Variants in CRISPLD1 observed in about 807,000 individuals in gnomAD.
CRISPLD1 encodes cysteine rich secretory protein LCCL domain containing 1, also known as cysteine-rich secretory protein LCCL domain-containing 1.
Under a neutral mutation model 77.5 loss-of-function variants are expected in CRISPLD1, and 60 were observed. The ratio of observed to expected loss-of-function variants is 0.77; its 90% CI spans 0.63 to 0.96. CRISPLD1 has a LOEUF of 0.96. Among genes scored for constraint, CRISPLD1 ranks in the 40% least tolerant of loss-of-function variants. The pLI is 0.00. For missense variants in CRISPLD1, 623 were observed against 615.8 expected, an observed-to-expected ratio of 1.01 and a Z score of -0.12; for synonymous variants, 195 against 200.1, an observed-to-expected ratio of 0.97 and a Z score of 0.22.
intron 2 of CRISPLD1, among the ~76,000 whole-genome samples, chr8:74,986,459 A>G (rs1004972301): frequency 2.6e-5 from 4 of 152,220 alleles, no homozygotes; most frequent in African/African-American, 4.8e-5. Context: ...TTTAGATGCA[A>G]TGTTCCTACT....
intron 13 of CRISPLD1, among the ~76,000 whole-genome samples, chr8:75,028,422 G>A (rs1813274104): frequency 6.6e-6 from 1 of 152,098 alleles, no homozygotes; most frequent in Non-Finnish European, 1.5e-5. Context: ...ACACCACTGG[G>A]ATCAGAAAAG....
At chr8:74,998,266 G>A (rs1264888836) in intron 2 of CRISPLD1, among the ~76,000 whole-genome samples, 34 of 152,024 alleles carry the variant, frequency 2.2e-4, no homozygotes, top group Non-Finnish European at 1.5e-5. Context: ...AAAGAAGGGG[G>A]TTTGAGGATA....
At chr8:75,013,954 G>A (rs553827690) in intron 4 of CRISPLD1, 33 bp from the exon 5 acceptor site, 2 of 1,433,942 alleles carry the variant, frequency 1.4e-6, no homozygotes, top group Admixed American at 1.7e-5. Context: ...ATTTCAGCCT[G>A]CTTTTTCTGA....
intron 13 of CRISPLD1, 71 bp downstream of exon 13, chr8:75,025,692 G>A (rs1813221652): frequency 1.3e-6 from 1 of 787,874 alleles, no homozygotes; most frequent in Non-Finnish European, 2.1e-6. Context: ...ATTTAAATGT[G>A]TATATGTACA....
Position 75,016,596 on chromosome 8 carries a change from A to G in CRISPLD1, c.759A>G (p.Glu253=). The change falls in exon 7 of 15, where the codon GAA becomes GAG. Residue 253 remains glutamate (E), a synonymous_variant. Coordinates refer to ENST00000262207, the MANE Select transcript of CRISPLD1 (RefSeq NM_031461.6). ...CAGACAGGTATTATCCCCCTCGAGA[A>G]GAGGAAACAAATGAAATAGAACGAC... is the stretch of plus-strand genomic sequence containing the variant. ...EGSDRYYPPR[E]EETNEIERQQ... is the part of the protein sequence containing the mutation. The G allele has an allele frequency of 6.2e-7, 1 of 1,613,398 alleles. No homozygotes were observed. Among genetic ancestry groups the G allele is most frequent in the Non-Finnish European group, 8.5e-7 (1 of 1,179,468 alleles).
At position 75,032,334 on chromosome 8, in the gene CRISPLD1, A is replaced by C. The variant is rs1189796705; in HGVS notation, c.*92A>C. 1.1e-6 allele frequency: 1 copy of C among 902,088 alleles called. No individual in the cohort carries two copies. The highest frequency in any genetic ancestry group is 1.7e-5 in the African/African-American group (1 of 58,470). 55.9% of individuals were successfully genotyped at this position (902,088 alleles called of 1,614,324 possible). A position where few individuals can be genotyped will look rare whatever the true frequency, so the allele number is the denominator to read the frequency against. ...ACTGTAACATTACTGTACAGAGTAC[A>C]TCAACTATTTTCAGCCCAAAAAGGT... On this transcript the variant is annotated 3_prime_UTR_variant, in exon 15 of 15. Transcript: ENST00000262207.
intron 2 of CRISPLD1, 70 bp from the exon 3 acceptor site, chr8:75,012,363 C>T (rs1812946725): frequency 1.1e-6 from 1 of 886,850 alleles, no homozygotes; most frequent in Non-Finnish European, 1.9e-6. Context: ...GTAAGAACTG[C>T]TCAACACTGT....
In CRISPLD1 at chr8:74,986,194, T is replaced by C; in HGVS notation, c.207T>C (p.His69=). ...DNDMQSILDL[H]NKLRSQVYPT... ...ACATGCAGAGTATTTTGGACCTTCA[T>C]AATAAATTACGAAGTCAGGTGTATC... Residue 69 remains histidine, a synonymous_variant, in exon 2 of 15, where the codon CAT becomes CAC. Coordinates refer to ENST00000262207, the MANE Select transcript of CRISPLD1 (RefSeq NM_031461.6). 6.2e-7 allele frequency: 1 copy of C among 1,614,166 alleles called. No homozygotes were observed. The highest frequency in any genetic ancestry group is 8.5e-7 in the Non-Finnish European group (1 of 1,180,004).
At chr8:74,987,449 T>C (rs1247679870) in intron 2 of CRISPLD1, among the ~76,000 whole-genome samples, 1 of 152,208 alleles carries the variant, frequency 6.6e-6, no homozygotes, top group African/African-American at 2.4e-5. Context: ...ATTGTGAAGA[T>C]AGAAGGAGAT....
At chr8:74,997,535 A>T (rs1437782355) in intron 2 of CRISPLD1, among the ~76,000 whole-genome samples, 1 of 152,188 alleles carries the variant, frequency 6.6e-6, no homozygotes, top group Non-Finnish European at 1.5e-5. Context: ...ACAGGTAAAA[A>T]ATATGGAAAT....
Position 75,034,071 on chromosome 8 carries a change from G to A in CRISPLD1, c.*1829G>A, listed in dbSNP as rs1813403600. 1 of 151,992 alleles carries A rather than the reference G, an allele frequency of 6.6e-6. No individual in the cohort carries two copies. The highest frequency in any genetic ancestry group is 2.1e-4 in the South Asian group (1 of 4,828). 9.4% of individuals were successfully genotyped at this position (151,992 alleles called of 1,614,324 possible). A position where few individuals can be genotyped will look rare whatever the true frequency, so the allele number is the denominator to read the frequency against. On this transcript the variant is annotated 3_prime_UTR_variant, in exon 15 of 15. Transcript: ENST00000262207. The stretch of plus-strand genomic sequence containing the variant: ...TACTATTGTAATACCTTCAGCTGGA[G>A]CCTGTGTCTTTCTCCATTCCTTTTT...
In CRISPLD1 at chr8:75,008,144, C is replaced by T. The variant is rs573433570; in HGVS notation, c.259-4289C>T. Among the ~76,000 whole-genome samples, 133 of 152,182 alleles carry T rather than the reference C, an allele frequency of 8.7e-4. 1 individual carries two copies. The highest frequency in any genetic ancestry group is 2.2e-4 in the Non-Finnish European group (15 of 67,998). The stretch of plus-strand genomic sequence containing the variant: ...TTAAGTAATAAAACTTCATTGAAGG[C>T]GTAACTATGCTCTAAGAAGGAACAA... On this transcript the variant is annotated intron_variant, in intron 2 of 14. Transcript: ENST00000262207.
intron 14 of CRISPLD1, among the ~76,000 whole-genome samples, chr8:75,030,009 T>C (rs1481497862): frequency 1.3e-5 from 2 of 152,158 alleles, no homozygotes; most frequent in African/African-American, 2.4e-5. Context: ...TTTTTCATAT[T>C]ATTTAACCCA....
At position 75,002,993 on chromosome 8, in the gene CRISPLD1, C is replaced by A. The variant is rs570924979; in HGVS notation, c.259-9440C>A. ...CTATAGTCATATTCCTGAGGAATGT[C>A]TAAAAATCTGATTGAGAATGCTGTG... On this transcript the variant is annotated intron_variant, in intron 2 of 14. Transcript: ENST00000262207. Among the ~76,000 whole-genome samples the A allele has an allele frequency of 5.3e-5, 8 of 152,248 alleles. No individual in the cohort carries two copies. The East Asian group carries it at 1.5e-3, about 29-fold the overall frequency.
intron 10 of CRISPLD1, among the ~76,000 whole-genome samples, chr8:75,018,776 G>A (rs549759110): frequency 2.6e-5 from 4 of 152,000 alleles, no homozygotes; most frequent in South Asian, 4.2e-4. Flanking sequence ...ATTTTTAGTA[G>A]AGATGGGGTT....
At chr8:75,000,902 G>T (rs534438343) in intron 2 of CRISPLD1, among the ~76,000 whole-genome samples, 1 of 152,182 alleles carries the variant, frequency 6.6e-6, no homozygotes, top group South Asian at 2.1e-4. Context: ...ACAATTTAAA[G>T]TGGACAGAAT....
intron 2 of CRISPLD1, among the ~76,000 whole-genome samples, chr8:75,000,769 T>A (rs557981962): frequency 1.3e-5 from 2 of 152,168 alleles, no homozygotes; most frequent in South Asian, 4.2e-4. Context: ...GACTGTGCCA[T>A]GGTAATCTTT....
chr8:75,016,389 A>G (rs1309713671), intron 6 of CRISPLD1, among the ~76,000 whole-genome samples, 176 bp from the exon 7 acceptor site: 2 of 152,204 alleles, frequency 1.3e-5, no homozygotes, highest in Non-Finnish European at 2.9e-5. Context: ...ATGTGTGTTC[A>G]TTTATTCCAC....
intron 2 of CRISPLD1, among the ~76,000 whole-genome samples, chr8:75,006,166 G>T (rs1812827626): frequency 6.6e-6 from 1 of 152,080 alleles, no homozygotes; most frequent in Non-Finnish European, 1.5e-5. Flanking sequence ...ATAAGTGAGA[G>T]CATGCAGTAT....
Sources: allele counts gnomAD v4.1 joint callset (sites outside exome capture counted in the v4.1 genomes callset), GRCh38; gene constraint gnomAD v4.1.1; transcripts MANE v1.5; gene names NCBI Gene and HGNC (gene_info 2026-07-23, HGNC 2026-07-21).